The following ACAT1 variants were observed in gnomAD, a reference collection of about 807,000 sequenced individuals.
The protein encoded by ACAT1 is acetyl-CoA acetyltransferase 1, also known as acetyl-CoA acetyltransferase, mitochondrial.
Under a neutral mutation model 47.3 loss-of-function variants are expected in ACAT1, and 28 were observed. The observed-to-expected ratio is 0.59, with a 90% confidence interval of 0.44 to 0.81. The LOEUF is 0.81. Ranked by LOEUF, ACAT1 falls within the 30% of genes least tolerant of loss-of-function variation. The pLI is 0.00. For missense variants in ACAT1, 469 were observed against 524.3 expected (o/e 0.89, Z 1.03); for synonymous variants, 181 against 173.6 (o/e 1.04, Z -0.34).
intron 9 of ACAT1, 22 bp from the exon 10 acceptor site, chr11:108,143,957 ACCCC>A: frequency 2.7e-4 from 232 of 874,266 alleles, no homozygotes; most frequent in Non-Finnish European, 3.4e-4. Flanking sequence ...GATTTTAACA[ACCCC>A]CCCCCCCCTT....
In ACAT1 at chr11:108,146,292, A is replaced by C; in HGVS notation, c.1096A>C (p.Met366Leu). The change falls in exon 11 of 12, where the codon ATG (methionine) becomes CTG (leucine). Residue 366 changes from methionine (M) to leucine (L), a missense_variant. Physicochemically the swap from Met to Leu is conservative, Grantham distance 15. Coordinates refer to ENST00000265838, the MANE Select transcript of ACAT1 (RefSeq NM_000019.4). ...TCTGGTTGTACTAGCAAACATTAAA[A>C]TGTTGGAGATTGATCCCCAAAAAGT... is the stretch of plus-strand genomic sequence containing the variant. ...FSLVVLANIK[M>L]LEIDPQKVNI... 6.2e-7 allele frequency: 1 copy of C among 1,614,064 alleles called. No individual in the cohort carries two copies. The highest frequency in any genetic ancestry group is 8.5e-7 in the Non-Finnish European group (1 of 1,179,946).
intron 4 of ACAT1, 48 bp from the exon 5 acceptor site, chr11:108,135,094 G>A (rs1344402502): frequency 3.0e-6 from 4 of 1,326,068 alleles, no homozygotes; most frequent in Middle Eastern, 1.8e-4. Context: ...AAGTTCTGCA[G>A]TTGTGTTTGA....
In ACAT1 at chr11:108,141,590, A is replaced by G. The variant is rs759144164; in HGVS notation, c.731-15A>G. ...CTTGTTTTGAGCGATTTTACTTAAA[A>G]TATTTTTATTTTAGGTCAACCAGAT... On this transcript the variant is annotated splice_polypyrimidine_tract_variant and intron_variant, in intron 7 of 11. Transcript: ENST00000265838. 1 of 1,600,772 alleles carries G rather than the reference A, an allele frequency of 6.2e-7. No individual in the cohort carries two copies. Among genetic ancestry groups the G allele is most frequent in the East Asian group, 2.2e-5 (1 of 44,732 alleles).
upstream of ACAT1, among the ~76,000 whole-genome samples, chr11:108,119,552 C>A (rs370125688): frequency 2.6e-4 from 39 of 152,302 alleles, no homozygotes; most frequent in Non-Finnish European, 5.4e-4. Flanking sequence ...GCTTTGGCCT[C>A]TCACAACTGG....
Position 108,121,606 on chromosome 11 carries a change from C to A in ACAT1, c.-1C>A. On this transcript the variant is annotated 5_prime_UTR_variant, in exon 1 of 12. Transcript: ENST00000265838. Reference sequence around the variant, plus strand: ...GAGCCGATACTCAGCCCTCTGCGACCATGGCTGTGCTGGCGGCACTTCTGC... The same window carrying A: ...GAGCCGATACTCAGCCCTCTGCGACAATGGCTGTGCTGGCGGCACTTCTGC... The A allele has an allele frequency of 6.4e-7, 1 of 1,550,736 alleles. No homozygotes were observed. The highest frequency in any genetic ancestry group is 1.2e-5 in the South Asian group (1 of 84,092).
At chr11:108,120,555 A>G (rs1199622287), upstream of ACAT1, among the ~76,000 whole-genome samples, 2 of 150,970 alleles carry the variant, frequency 1.3e-5, no homozygotes, top group South Asian at 2.1e-4. Flanking sequence ...AAAAAAAAAT[A>G]CTCCAAAACA....
intron 10 of ACAT1, among the ~76,000 whole-genome samples, chr11:108,145,131 A>G (rs1417701107): frequency 1.3e-5 from 2 of 152,214 alleles, no homozygotes; most frequent in African/African-American, 4.8e-5. Flanking sequence ...CTCACTAGTA[A>G]TGTTTTAAAA....
At chr11:108,117,621 C>T (rs916132595), upstream of ACAT1, among the ~76,000 whole-genome samples, 1 of 151,964 alleles carries the variant, frequency 6.6e-6, no homozygotes. Flanking sequence ...AGACCCTGTC[C>T]CTTAAACAAA....
chr11:108,141,650 T>C lies in ACAT1; in HGVS notation c.776T>C (p.Val259Ala), dbSNP rs746059964. ...AAAGAAGATGAAGAATATAAACGTG[T>C]TGATTTTAGCAAAGTTCCAAAGCTG... ...VVKEDEEYKR[V>A]DFSKVPKLKT... The change falls in exon 8 of 12, where the codon GTT (valine) becomes GCT (alanine). Residue 259 changes from valine to alanine, a missense_variant. Transcript: ENST00000265838. The C allele has an allele frequency of 7.4e-6, 12 of 1,613,554 alleles. No homozygotes were observed. Among genetic ancestry groups the C allele is most frequent in the Admixed American group, 5.0e-5 (3 of 59,998 alleles).
chr11:108,140,506 CG>C (rs1286725611), intron 7 of ACAT1, among the ~76,000 whole-genome samples: 1 of 152,160 alleles, frequency 6.6e-6, no homozygotes, highest in Non-Finnish European at 1.5e-5. Flanking sequence ...AGAAGGTTAC[CG>C]GGAGTGCCTC....
At chr11:108,134,476 C>T in intron 4 of ACAT1, 160 bp downstream of exon 4, 1 of 531,066 alleles carries the variant, frequency 1.9e-6, no homozygotes, top group South Asian at 1.8e-5. Flanking sequence ...AACCCCGTCT[C>T]TACTAAAAAT....
At chr11:108,121,076 C>T (rs2077139816), upstream of ACAT1, among the ~76,000 whole-genome samples, 1 of 152,180 alleles carries the variant, frequency 6.6e-6, no homozygotes, top group Non-Finnish European at 1.5e-5. Context: ...AGGCTTTCGC[C>T]TGTAGTCTCA....
chr11:108,134,454 C>A, intron 4 of ACAT1, 138 bp downstream of exon 4: 1 of 617,622 alleles, frequency 1.6e-6, no homozygotes. Flanking sequence ...ACCATCCTGG[C>A]CAACATGGTG....
upstream of ACAT1, among the ~76,000 whole-genome samples, chr11:108,117,857 C>T (rs1445384485): frequency 6.6e-6 from 1 of 152,158 alleles, no homozygotes; most frequent in Non-Finnish European, 1.5e-5. Flanking sequence ...ACTTCTACTT[C>T]TAGAAAGCCA....
At chr11:108,130,030 T>C (rs974516244) in intron 1 of ACAT1, among the ~76,000 whole-genome samples, 1 of 152,218 alleles carries the variant, frequency 6.6e-6, no homozygotes, top group African/African-American at 2.4e-5. Context: ...CCTCTTGTGG[T>C]GTGCCATGGT....
chr11:108,140,539 T>G (rs984792235), intron 7 of ACAT1, among the ~76,000 whole-genome samples: 1 of 152,218 alleles, frequency 6.6e-6, no homozygotes, highest in Non-Finnish European at 1.5e-5. Context: ...GGATGAACAG[T>G]AGCAACCATT....
chr11:108,141,369 C>CAA (rs60002941), intron 7 of ACAT1, among the ~76,000 whole-genome samples: 4,184 of 69,252 alleles, frequency 0.06, 334 homozygotes, highest in African/African-American at 0.09. Context: ...AACCCTGCCT[C>CAA]AAAAAAAAAA....
intron 8 of ACAT1, 124 bp from the exon 9 acceptor site, chr11:108,142,313 T>C: frequency 1.3e-6 from 1 of 758,578 alleles, no homozygotes. Flanking sequence ...GCAGGAATTG[T>C]CTCCACCCAT....
chr11:108,143,960 C>T lies in ACAT1; in HGVS notation c.941-23C>T, dbSNP rs757763812. 17 of 916,690 alleles carry T rather than the reference C, an allele frequency of 1.9e-5. 1 individual carries two copies. The highest frequency in any genetic ancestry group is 8.3e-5 in the East Asian group (2 of 23,976). 56.8% of individuals were successfully genotyped at this position (916,690 alleles called of 1,614,324 possible). ...TAAAAAAAAAAAGATTTTAACAACC[C>T]CCCCCCCCCTTTTTTTAAACAGCAT... is the stretch of plus-strand genomic sequence containing the variant. On this transcript the variant is annotated intron_variant, in intron 9 of 11. Transcript: ENST00000265838.
Sources: allele counts gnomAD v4.1 joint callset (sites outside exome capture counted in the v4.1 genomes callset), GRCh38; gene constraint gnomAD v4.1.1; transcripts MANE v1.5; gene names NCBI Gene and HGNC (gene_info 2026-07-23, HGNC 2026-07-21).